The following MYCBPAP variants were observed in gnomAD, a reference collection of about 807,000 sequenced individuals.
The protein encoded by MYCBPAP is MYCBP-associated protein.
MYCBPAP carries 60 observed loss-of-function variants against 106.1 expected under a neutral mutation model. The ratio of observed to expected loss-of-function variants is 0.57; its 90% confidence interval spans 0.46 to 0.70. The LOEUF is 0.70. Ranked by LOEUF, MYCBPAP falls within the 30% of genes least tolerant of loss-of-function variation. MYCBPAP has a pLI of 0.00. For missense variants in MYCBPAP, 1,064 were observed against 1,169.3 expected (o/e 0.91, Z 1.31); for synonymous variants, 407 against 440.6 (o/e 0.92, Z 0.95).
chr17:50,511,747 A>G (rs989708579), intron 1 of MYCBPAP, among the ~76,000 whole-genome samples: 1 of 152,164 alleles, frequency 6.6e-6, no homozygotes. Flanking sequence ...ATTCCAGACC[A>G]AAGAACCAGA....
Position 50,518,708 on chromosome 17 carries a change from G to T in MYCBPAP, c.636G>T (p.Gln212His). 1 of 1,588,136 alleles carries T rather than the reference G, an allele frequency of 6.3e-7. No homozygotes were observed. Among genetic ancestry groups the T allele is most frequent in the Non-Finnish European group, 8.5e-7 (1 of 1,170,230 alleles). ...GTAACACAGCCCTGCGGAAGAAGCAGCAGGAAGCCCTCAGCGGTGAGCAGA... is the reference window on the plus strand; with the variant it reads ...GTAACACAGCCCTGCGGAAGAAGCATCAGGAAGCCCTCAGCGGTGAGCAGA... ...WQRNTALRKK[Q>H]QEALSEHLKK... The change falls in exon 5 of 19, where the codon CAG becomes CAT. Residue 212 changes from glutamine to histidine, a missense_variant. By Grantham distance (24) the Gln-to-His change is conservative. Transcript: ENST00000323776.
chr17:50,519,898 T>A, intron 7 of MYCBPAP, 111 bp downstream of exon 7: 22 of 1,154,510 alleles, frequency 1.9e-5, no homozygotes, highest in South Asian at 6.5e-5. Flanking sequence ...GGCCTGTTTC[T>A]CTGTGGTTCT....
Position 50,519,709 on chromosome 17 carries a change from A to T in MYCBPAP, c.838A>T (p.Thr280Ser), listed in dbSNP as rs1007919541. 1 of 1,614,136 alleles carries T rather than the reference A, an allele frequency of 6.2e-7. No homozygotes were observed. Among genetic ancestry groups the T allele is most frequent in the East Asian group, 2.2e-5 (1 of 44,888 alleles). Reference protein sequence around the residue: ...LGDEMTGLVMTKTKTQRGLME... With the variant: ...LGDEMTGLVMSKTKTQRGLME... ...AGATGAGATGACAGGTCTGGTCATG[A>T]CCAAGACAAAAACTCAGCGTGGCCT... Residue 280 changes from threonine (T) to serine (S), a missense_variant, in exon 7 of 19, where the codon ACC becomes TCC. Thr to Ser is a moderately conservative substitution (Grantham distance 58). Transcript: ENST00000323776.
intron 4 of MYCBPAP, 22 bp from the exon 5 acceptor site, chr17:50,518,519 A>C: frequency 6.5e-7 from 1 of 1,538,202 alleles, no homozygotes; most frequent in Non-Finnish European, 8.7e-7. Context: ...TGCCCTCCAC[A>C]TACCTATGTT....
Position 50,516,552 on chromosome 17 carries a change from C to G in MYCBPAP, c.77-18C>G, listed in dbSNP as rs774547153. Reference sequence around the variant, plus strand: ...AAGGAGCTCTTTAAGGACTTAATAACTTTCTGCTTCTCTTCAGAAAAGAAG... The same window carrying G: ...AAGGAGCTCTTTAAGGACTTAATAAGTTTCTGCTTCTCTTCAGAAAAGAAG... On this transcript the variant is annotated intron_variant, in intron 1 of 18. Transcript: ENST00000323776. 1 of 1,611,912 alleles carries G rather than the reference C, an allele frequency of 6.2e-7. No homozygotes were observed. Among genetic ancestry groups the G allele is most frequent in the Non-Finnish European group, 8.5e-7 (1 of 1,179,412 alleles).
chr17:50,521,179 G>A lies in MYCBPAP; in HGVS notation c.986G>A (p.Arg329His), dbSNP rs36101789. 3,791 of 1,613,634 alleles carry A rather than the reference G, an allele frequency of 2.3e-3. 83 individuals are homozygous for A. In the African/African-American group the frequency reaches 0.044, roughly 19 times the overall value. ...CGGAGTCTGTTTCTGATCTACCGAC[G>A]CAAGGAGCTGCAGAGAATCATGGAA... ...WDRSLFLIYR[R>H]KELQRIMEEL... Residue 329 changes from arginine to histidine, a missense_variant, in exon 8 of 19, where the codon CGC (arginine) becomes CAC (histidine). Transcript: ENST00000323776.
In MYCBPAP at chr17:50,531,479, A is replaced by G. The variant is rs1327488630; in HGVS notation, c.*51A>G. On this transcript the variant is annotated 3_prime_UTR_variant, in exon 19 of 19. Coordinates refer to ENST00000323776, the MANE Select transcript of MYCBPAP (RefSeq NM_032133.6). ...AAAACGGGTTAATAAATAAATCAAT[A>G]AAGAACCTTCAAGTTTCTACTACTT... 3 of 1,405,846 alleles carry G rather than the reference A, an allele frequency of 2.1e-6. No homozygotes were observed. The highest frequency in any genetic ancestry group is 1.4e-5 in the African/African-American group (1 of 69,204). The allele number at this position is 1,405,846 out of a possible 1,614,324, so 87.1% of individuals were successfully genotyped here.
In MYCBPAP at chr17:50,517,718, C is replaced by T. The variant is rs2034105244; in HGVS notation, c.468+20C>T. The T allele has an allele frequency of 1.9e-6, 3 of 1,602,326 alleles. No homozygotes were observed. In the South Asian group the frequency reaches 3.3e-5, roughly 18 times the overall value. ...ACCCAGGTTTGTTTGCACAGAACTA[C>T]CCGGATGAGAGCAGTCACTGAAGTC... is the stretch of plus-strand genomic sequence containing the variant. On this transcript the variant is annotated intron_variant, in intron 4 of 18. Transcript: ENST00000323776.
chr17:50,530,433 T>G, intron 18 of MYCBPAP: 1 of 172,328 alleles, frequency 5.8e-6, no homozygotes, highest in Non-Finnish European at 1.2e-5. Context: ...AAGTGGAGGT[T>G]GCAGTGAGCC....
chr17:50,522,998 C>T lies in MYCBPAP; in HGVS notation c.1317C>T (p.Ser439=). The change falls in exon 11 of 19, where the codon TCC becomes TCT. Residue 439 remains serine (S), a synonymous_variant. Transcript: ENST00000323776. ...AAACCCTAGAAGGCGAGAAAACCTC[C>T]TCAGAACTGACTGTGGTCAATAATG... ...TFETLEGEKT[S]SELTVVNNGT... The T allele has an allele frequency of 6.2e-7, 1 of 1,614,080 alleles. No homozygotes were observed. Among genetic ancestry groups the T allele is most frequent in the African/African-American group, 1.3e-5 (1 of 74,998 alleles).
At position 50,529,021 on chromosome 17, in the gene MYCBPAP, C is replaced by A. The variant is rs370463985; in HGVS notation, c.2557C>A (p.Arg853Ser). 1.2e-6 allele frequency: 2 copies of A among 1,613,380 alleles called. No homozygotes were observed. Among genetic ancestry groups the A allele is most frequent in the Non-Finnish European group, 1.7e-6 (2 of 1,179,728 alleles). The part of the protein sequence containing the change: ...KGAKLLGKED[R>S]PNSKKHKAKD... ...GTGTGTCTCCCTCCCCCAGCAGGAC[C>A]GTCCCAACAGCAAGAAGCACAAGGC... Residue 853 changes from arginine to serine, a missense_variant, in exon 18 of 19, where the codon CGT becomes AGT. Transcript: ENST00000323776.
Position 50,529,130 on chromosome 17 carries a change from C to T in MYCBPAP, c.2666C>T (p.Ser889Phe), listed in dbSNP as rs761045605. 2 of 1,613,824 alleles carry T rather than the reference C, an allele frequency of 1.2e-6. No individual in the cohort carries two copies. Among genetic ancestry groups the T allele is most frequent in the African/African-American group, 1.3e-5 (1 of 74,924 alleles). The change falls in exon 18 of 19, where the codon TCT becomes TTT. Residue 889 changes from serine (S) to phenylalanine (F), a missense_variant. By Grantham distance (155) the Ser-to-Phe change is radical. Transcript: ENST00000323776. ...CCTACCCCTGACATCATCCTCTCTT[C>T]TCAAGAACCCATAGACCCCCTGGTC... ...EDPTPDIILS[S>F]QEPIDPLVMG... is the part of the protein sequence containing the mutation.
Position 50,509,082 on chromosome 17 carries a change from G to C in MYCBPAP, c.76+332G>C, listed in dbSNP as rs895956919. The C allele has an allele frequency of 4.3e-6, 3 of 702,826 alleles. No individual in the cohort carries two copies. In the African/African-American group the frequency reaches 5.2e-5, roughly 12 times the overall value. The allele number at this position is 702,826 out of a possible 1,614,324, so 43.5% of individuals were successfully genotyped here. A position where few individuals can be genotyped will look rare whatever the true frequency, so the allele number is the denominator to read the frequency against. The stretch of plus-strand genomic sequence containing the variant: ...GCAGGATCCCCGGACTGGATGAAGT[G>C]CAGAAGAGCCAGGAAAGAGTTTAAG... On this transcript the variant is annotated intron_variant, in intron 1 of 18. Transcript: ENST00000323776.
In MYCBPAP at chr17:50,518,642, G is replaced by C; in HGVS notation, c.570G>C (p.Trp190Cys). ...CAAAAGAAGAGAAGAGACCTCCCTG[G>C]GCCCCACCTCCTCAGCACAACTTTC... The part of the protein sequence containing the change: ...KAPKEEKRPP[W>C]APPPQHNFLK... The change falls in exon 5 of 19, where the codon TGG becomes TGC. Residue 190 changes from tryptophan (W) to cysteine (C), a missense_variant. Transcript: ENST00000323776. The C allele has an allele frequency of 6.2e-7, 1 of 1,610,572 alleles. No individual in the cohort carries two copies. The highest frequency in any genetic ancestry group is 8.5e-7 in the Non-Finnish European group (1 of 1,178,936).
At chr17:50,514,826 T>G in intron 1 of MYCBPAP, 1 of 387,926 alleles carries the variant, frequency 2.6e-6, no homozygotes, top group Non-Finnish European at 5.2e-6. Context: ...CCTGGTTAAT[T>G]TTTTGATTTT....
intron 7 of MYCBPAP, 116 bp from the exon 8 acceptor site, chr17:50,520,994 T>C: frequency 1.3e-6 from 1 of 778,960 alleles, no homozygotes; most frequent in South Asian, 1.6e-5. Context: ...GGAAGCTGTA[T>C]TTTTAGTCCT....
chr17:50,518,609 A>G lies in MYCBPAP; in HGVS notation c.537A>G (p.Gln179=). 1 of 1,608,984 alleles carries G rather than the reference A, an allele frequency of 6.2e-7. No homozygotes were observed. The highest frequency in any genetic ancestry group is 8.5e-7 in the Non-Finnish European group (1 of 1,178,462). The change falls in exon 5 of 19, where the codon CAA becomes CAG. Residue 179 remains glutamine, a synonymous_variant. Coordinates refer to ENST00000323776, the MANE Select transcript of MYCBPAP (RefSeq NM_032133.6). ...TLISAEGESK[Q]KAPKEEKRPP... Reference sequence around the variant, plus strand: ...TCTCTGCTGAAGGAGAGTCAAAGCAAAAAGCCCCAAAAGAAGAGAAGAGAC... The same window carrying G: ...TCTCTGCTGAAGGAGAGTCAAAGCAGAAAGCCCCAAAAGAAGAGAAGAGAC...
chr17:50,526,150 C>A lies in MYCBPAP; in HGVS notation c.2052C>A (p.Ser684Arg), dbSNP rs747738098. ...RVGTKSPQRK[S>R]IMEEILVEES... ...GGACCAAGAGTCCTCAGCGGAAGAG[C>A]ATCATGGAGGAGATCCTGGTGGAGG... The change falls in exon 14 of 19, where the codon AGC becomes AGA. Residue 684 changes from serine to arginine, a missense_variant. Ser to Arg is a moderately radical substitution (Grantham distance 110). Transcript: ENST00000323776. 6.2e-7 allele frequency: 1 copy of A among 1,613,714 alleles called. No individual in the cohort carries two copies. Among genetic ancestry groups the A allele is most frequent in the Non-Finnish European group, 8.5e-7 (1 of 1,179,952 alleles).
In MYCBPAP at chr17:50,525,893, C is replaced by G; in HGVS notation, c.1795C>G (p.His599Asp). The change falls in exon 14 of 19, where the codon CAC (histidine) becomes GAC (aspartate). Residue 599 changes from histidine to aspartate, a missense_variant. Transcript: ENST00000323776. ...RHRNPPLHYE[H>D]QVVQSLHQLW... ...TCCTCTGCTGCAGCTGCATTATGAGCACCAAGTGGTGCAAAGCCTGCACCA... is the reference window on the plus strand; with the variant it reads ...TCCTCTGCTGCAGCTGCATTATGAGGACCAAGTGGTGCAAAGCCTGCACCA... 1 of 1,606,598 alleles carries G rather than the reference C, an allele frequency of 6.2e-7. No individual in the cohort carries two copies. Among genetic ancestry groups the G allele is most frequent in the Non-Finnish European group, 8.5e-7 (1 of 1,177,688 alleles).
Sources: gnomAD v4.1 joint callset for allele counts (sites outside exome capture counted in the v4.1 genomes callset) on GRCh38, gnomAD v4.1.1 for gene constraint, MANE v1.5 for transcripts, NCBI Gene and HGNC (gene_info 2026-07-23, HGNC 2026-07-21) for gene names.